TET2: variants seen among roughly 807,000 people sequenced by gnomAD.
TET2 encodes tet methylcytosine dioxygenase 2, also known as methylcytosine dioxygenase TET2.
TET2 carries 299 observed loss-of-function variants against 142.9 expected under a neutral mutation model. The observed-to-expected ratio is 2.09, with a 90% confidence interval of 1.90 to 2.30. TET2 has a LOEUF of 2.30. Ranked by LOEUF, TET2 falls within the 30% of genes most tolerant of loss-of-function variation. The probability of loss-of-function intolerance (pLI) is 0.00; values close to 1 mark genes in which losing one functional copy is unlikely to be tolerated. For synonymous variants in TET2, 819 were observed against 849.0 expected (o/e 0.96, Z 0.61); for missense variants, 2,418 against 2,378.0 (o/e 1.02, Z -0.35).
At chr4:105,203,270 G>A (rs200485213) in intron 2 of TET2, among the ~76,000 whole-genome samples, 1 of 152,210 alleles carries the variant, frequency 6.6e-6, no homozygotes, top group Non-Finnish European at 1.5e-5. Context: ...CATTGACCAT[G>A]TGGACTCATA....
At chr4:105,165,747 A>G (rs1257783553) in intron 1 of TET2, among the ~76,000 whole-genome samples, 1 of 152,184 alleles carries the variant, frequency 6.6e-6, no homozygotes, top group African/African-American at 2.4e-5. Flanking sequence ...AGAACACAAA[A>G]TGAAATGTTT....
In TET2 at chr4:105,238,487, T is replaced by A. The variant is rs6847204; in HGVS notation, c.3409+1136T>A. The A allele has an allele frequency of 1, 248,652 of 248,662 alleles. 124,321 individuals are homozygous for A. Among genetic ancestry groups the A allele is most frequent in the Middle Eastern group, 1 (790 of 790 alleles). 15.4% of individuals were successfully genotyped at this position (248,662 alleles called of 1,614,324 possible). ...GCTTTATCAACTAAGTTTTTGTAAT[T>A]TTCTGAATCCTTTGTTGTCATTTCA... On this transcript the variant is annotated intron_variant, in intron 3 of 10. Transcript: ENST00000380013.
intron 6 of TET2, among the ~76,000 whole-genome samples, chr4:105,256,210 C>T (rs1212824161): frequency 6.6e-6 from 1 of 151,996 alleles, no homozygotes; most frequent in East Asian, 1.9e-4. Flanking sequence ...TTTACTGGTG[C>T]TCTTTAAGTT....
intron 2 of TET2, among the ~76,000 whole-genome samples, chr4:105,203,041 ATTC>A (rs1258970905): frequency 3.9e-5 from 6 of 152,198 alleles, no homozygotes; most frequent in Non-Finnish European, 8.8e-5. Flanking sequence ...TTTGTCTCTT[ATTC>A]TTATTTTGAT....
At chr4:105,187,910 T>A (rs1725550936) in intron 1 of TET2, among the ~76,000 whole-genome samples, 1 of 152,190 alleles carries the variant, frequency 6.6e-6, no homozygotes, top group South Asian at 2.1e-4. Flanking sequence ...GCTAGTGGAA[T>A]GTAAAAAGGT....
At chr4:105,170,313 T>C (rs902174846) in intron 1 of TET2, among the ~76,000 whole-genome samples, 2 of 152,122 alleles carry the variant, frequency 1.3e-5, no homozygotes, top group African/African-American at 4.8e-5. Context: ...CAATAAATAT[T>C]TGGTGAAAGT....
chr4:105,272,624 C>T lies in TET2; in HGVS notation c.4243C>T (p.Leu1415Phe), dbSNP rs1731019599. The change falls in exon 10 of 11, where the codon CTT becomes TTT. Residue 1415 changes from leucine (L) to phenylalanine (F), a missense_variant. Coordinates refer to ENST00000380013, the MANE Select transcript of TET2 (RefSeq NM_001127208.3). ...EFGGKPEDEQ[L>F]HVLPLYKVSD... ...TGGAGGAAAACCTGAGGATGAGCAG[C>T]TTCACGTTCTGCCTTTATACAAAGT... is the stretch of plus-strand genomic sequence containing the variant. 6.4e-7 allele frequency: 1 copy of T among 1,550,984 alleles called. No homozygotes were observed. Among genetic ancestry groups the T allele is most frequent in the Non-Finnish European group, 8.7e-7 (1 of 1,146,764 alleles).
chr4:105,179,973 A>G (rs1725020993), intron 1 of TET2, among the ~76,000 whole-genome samples: 1 of 152,154 alleles, frequency 6.6e-6, no homozygotes, highest in Non-Finnish European at 1.5e-5. Context: ...GCTGAAATAA[A>G]ATGTGCCTAC....
intron 3 of TET2, chr4:105,240,751 C>G (rs1016415822): frequency 9.3e-7 from 1 of 1,080,030 alleles, no homozygotes; most frequent in Non-Finnish European, 1.1e-6. Context: ...TTCTTTTTGC[C>G]TGACTCTCCA....
intron 1 of TET2, among the ~76,000 whole-genome samples, chr4:105,181,920 G>A (rs1028333806): frequency 6.6e-6 from 1 of 151,360 alleles, no homozygotes; most frequent in Non-Finnish European, 1.5e-5. Flanking sequence ...TTTAAATTCT[G>A]TTATCTCGGT....
rs1553918709 is a variant in TET2 at position 105,276,838 on chromosome 4, T to TTCCCCCCCCC, written c.*319_*320insTCCCCCCCCC. On this transcript the variant is annotated 3_prime_UTR_variant, in exon 11 of 11. Coordinates refer to ENST00000380013, the MANE Select transcript of TET2 (RefSeq NM_001127208.3). The stretch of plus-strand genomic sequence containing the variant: ...TGGACGAGATGATATGTAAATGTGA[T>TTCCCCCCCCC]CCCCCCCCCCCGCTTACAACTCTAC... 6.9e-6 allele frequency: 1 copy of TTCCCCCCCCC among 144,460 alleles called. No homozygotes were observed. Among genetic ancestry groups the TTCCCCCCCCC allele is most frequent in the Non-Finnish European group, 1.3e-5 (1 of 74,626 alleles). 8.9% of individuals were successfully genotyped at this position (144,460 alleles called of 1,614,324 possible).
chr4:105,269,834 A>C lies in TET2; in HGVS notation c.4182+87A>C, dbSNP rs569860574. 2.7e-4 allele frequency: 380 copies of C among 1,432,610 alleles called. 1 individual carries two copies. The highest frequency in any genetic ancestry group is 3.4e-4 in the Non-Finnish European group (353 of 1,052,332). The allele number at this position is 1,432,610 out of a possible 1,614,324, so 88.7% of individuals were successfully genotyped here. ...CATATGCAAGACTGGGTAATTTATA[A>C]AGGAAAGAGATTTAATTGACTCACA... On this transcript the variant is annotated intron_variant, in intron 9 of 10. Coordinates refer to ENST00000380013, the MANE Select transcript of TET2 (RefSeq NM_001127208.3).
intron 2 of TET2, among the ~76,000 whole-genome samples, chr4:105,219,285 A>G (rs879620780): frequency 6.6e-6 from 1 of 152,150 alleles, no homozygotes; most frequent in Non-Finnish European, 1.5e-5. Context: ...GTTCCAAAAT[A>G]GGAAGAATAA....
intron 2 of TET2, among the ~76,000 whole-genome samples, chr4:105,194,852 G>A (rs1010985321): frequency 6.6e-6 from 1 of 152,166 alleles, no homozygotes; most frequent in South Asian, 2.1e-4. Flanking sequence ...CATTACACAT[G>A]CCACATGGTA....
At chr4:105,205,842 C>G (rs1013550756) in intron 2 of TET2, among the ~76,000 whole-genome samples, 1 of 152,086 alleles carries the variant, frequency 6.6e-6, no homozygotes, top group Non-Finnish European at 1.5e-5. Context: ...CCATGTTGGT[C>G]AGGCCGGTCT....
In TET2 at chr4:105,279,568, T is replaced by C. The variant is rs1372385876; in HGVS notation, c.*3049T>C. On this transcript the variant is annotated 3_prime_UTR_variant, in exon 11 of 11. Coordinates refer to ENST00000380013, the MANE Select transcript of TET2 (RefSeq NM_001127208.3). ...AGTGGTTAACTTGTGTAGGAAACTT[T>C]TGCAGTTTGACACTAAGATAACTTC... The C allele has an allele frequency of 4.3e-6, 1 of 232,662 alleles. No individual in the cohort carries two copies. Among genetic ancestry groups the C allele is most frequent in the Non-Finnish European group, 8.5e-6 (1 of 117,706 alleles). 14.4% of individuals were successfully genotyped at this position (232,662 alleles called of 1,614,324 possible).
At chr4:105,207,909 C>A (rs1306949078) in intron 2 of TET2, among the ~76,000 whole-genome samples, 2 of 152,072 alleles carry the variant, frequency 1.3e-5, no homozygotes, top group East Asian at 3.9e-4. Context: ...GATAGTATCC[C>A]TCACACCAAT....
intron 1 of TET2, among the ~76,000 whole-genome samples, chr4:105,176,993 C>G (rs1485219047): frequency 2.0e-5 from 3 of 152,122 alleles, no homozygotes; most frequent in Non-Finnish European, 4.4e-5. Flanking sequence ...GACAAGGGAG[C>G]AAAGGCAATA....
intron 2 of TET2, among the ~76,000 whole-genome samples, chr4:105,209,075 A>G (rs866963353): frequency 0.055 from 6,564 of 118,834 alleles, 867 homozygotes; most frequent in African/African-American, 0.17. Flanking sequence ...ATATATATAT[A>G]TATATATATA....
Sources: gnomAD v4.1 joint callset for allele counts (sites outside exome capture counted in the v4.1 genomes callset) on GRCh38, gnomAD v4.1.1 for gene constraint, MANE v1.5 for transcripts, NCBI Gene and HGNC (gene_info 2026-07-23, HGNC 2026-07-21) for gene names.